BTG4: variants seen among roughly 807,000 people sequenced by gnomAD.
BTG4 encodes BTG anti-proliferation factor 4.
Under a neutral mutation model 19.3 loss-of-function variants are expected in BTG4, and 10 were observed. The ratio of observed to expected loss-of-function variants is 0.52; its 90% CI spans 0.32 to 0.88. BTG4 has a LOEUF of 0.88. Among genes scored for constraint, BTG4 ranks in the 40% least tolerant of loss-of-function variants. The pLI, the probability that BTG4 is intolerant of heterozygous loss-of-function variation, is 0.04. For synonymous variants in BTG4, 91 were observed against 95.7 expected (o/e 0.95, Z 0.29); for missense variants, 238 against 281.9 (o/e 0.84, Z 1.11).
the BTG4 span, among the ~76,000 whole-genome samples, chr11:111,419,343 G>A: frequency 4.6e-5 from 7 of 152,214 alleles, no homozygotes; most frequent in Non-Finnish European, 8.8e-5. Flanking sequence ...CTTCTTGGCT[G>A]ACTGACAACC....
At chr11:111,483,128 C>G (rs1454785161) in intron 5 of BTG4, among the ~76,000 whole-genome samples, 2 of 152,154 alleles carry the variant, frequency 1.3e-5, no homozygotes, top group Non-Finnish European at 2.9e-5. Flanking sequence ...GGCAGTTCCT[C>G]AAGGAGCCAG....
At chr11:111,421,844 C>G in the BTG4 span, among the ~76,000 whole-genome samples, 3 of 151,956 alleles carry the variant, frequency 2.0e-5, no homozygotes, top group Admixed American at 2.0e-4. Context: ...ACCAGGGCAG[C>G]AGAGGTTGCA....
Position 111,495,171 on chromosome 11 carries a change from C to G in BTG4, c.654G>C (p.Arg218=). The G allele has an allele frequency of 6.3e-7, 1 of 1,592,080 alleles. No homozygotes were observed. The highest frequency in any genetic ancestry group is 1.1e-5 in the South Asian group (1 of 87,252). ...TGTTGACCCAGTGGTACCTGTCCAGCCGGTGCATAGCAGGCCTGTAACACT... is the reference window on the plus strand; with the variant it reads ...TGTTGACCCAGTGGTACCTGTCCAGGCGGTGCATAGCAGGCCTGTAACACT... ...HPKCYRPAMH[R]LDRYHWVNTH... is the part of the protein sequence containing the mutation. Residue 218 remains arginine, a synonymous_variant, in exon 5 of 5, where the codon CGG becomes CGC. Transcript: ENST00000692032.
the BTG4 span, among the ~76,000 whole-genome samples, chr11:111,396,403 CAA>C: frequency 6.6e-6 from 1 of 152,210 alleles, no homozygotes; most frequent in African/African-American, 2.4e-5. Flanking sequence ...CCTTCCCAAC[CAA>C]GTCTACCCAC....
At chr11:111,392,423 C>T in the BTG4 span, among the ~76,000 whole-genome samples, 11,124 of 151,996 alleles carry the variant, frequency 0.073, 591 homozygotes, top group Non-Finnish European at 0.11. Context: ...GTGATCAGCC[C>T]GCCTCGGCCT....
At chr11:111,414,804 G>A in the BTG4 span, 1 of 152,266 alleles carries the variant, frequency 6.6e-6, no homozygotes, top group African/African-American at 2.4e-5. Flanking sequence ...AGATCCCCAG[G>A]CAAAACTGAT....
At chr11:111,407,393 G>A in the BTG4 span, among the ~76,000 whole-genome samples, 15 of 152,256 alleles carry the variant, frequency 9.9e-5, no homozygotes, top group Middle Eastern at 3.4e-3. Context: ...ATAATGGGCC[G>A]GGTGCGGTGG....
chr11:111,478,381 A>G (rs1412806833), intron 5 of BTG4, among the ~76,000 whole-genome samples: 1 of 152,192 alleles, frequency 6.6e-6, no homozygotes, highest in African/African-American at 2.4e-5. Context: ...GAATAGGGTC[A>G]AAGGAAACCA....
the BTG4 span, among the ~76,000 whole-genome samples, chr11:111,442,318 T>C: frequency 6.6e-6 from 1 of 151,080 alleles, no homozygotes; most frequent in African/African-American, 2.4e-5. Flanking sequence ...CTGGCCAACA[T>C]GGTGAAACCC....
At chr11:111,477,850 A>G (rs1864488108) in intron 5 of BTG4, among the ~76,000 whole-genome samples, 1 of 152,112 alleles carries the variant, frequency 6.6e-6, no homozygotes, top group Non-Finnish European at 1.5e-5. Flanking sequence ...TAAACTAACA[A>G]AACAACAAGA....
intron 5 of BTG4, chr11:111,467,742 A>C: frequency 1.4e-6 from 1 of 738,498 alleles, no homozygotes; most frequent in Admixed American, 2.1e-5. Flanking sequence ...TTTTCCTAAA[A>C]TCCTGACATA....
chr11:111,448,898 A>ATT, the BTG4 span, among the ~76,000 whole-genome samples: 1 of 151,970 alleles, frequency 6.6e-6, no homozygotes, highest in African/African-American at 2.4e-5. Flanking sequence ...CAAAAAAAAA[A>ATT]TTGTCTAAAA....
At chr11:111,395,784 T>C in the BTG4 span, among the ~76,000 whole-genome samples, 1 of 152,188 alleles carries the variant, frequency 6.6e-6, no homozygotes, top group African/African-American at 2.4e-5. Flanking sequence ...CACAAGCATC[T>C]CCAGAGAACA....
chr11:111,451,289 C>T, the BTG4 span: 1 of 387,732 alleles, frequency 2.6e-6, no homozygotes. Flanking sequence ...ACTGGCGGCG[C>T]TTCCGGGCCC....
At chr11:111,460,622 C>T in the BTG4 span, among the ~76,000 whole-genome samples, 1 of 152,062 alleles carries the variant, frequency 6.6e-6, no homozygotes, top group Non-Finnish European at 1.5e-5. Context: ...ATGCACGCAG[C>T]AGAGAGACAG....
At chr11:111,442,410 A>G in the BTG4 span, among the ~76,000 whole-genome samples, 1 of 151,912 alleles carries the variant, frequency 6.6e-6, no homozygotes, top group African/African-American at 2.4e-5. Context: ...TCGAGGCAAG[A>G]GAATCACTTG....
At position 111,495,542 on chromosome 11, in the gene BTG4, GC is replaced by G. The variant is rs1333607445; in HGVS notation, c.511-229del. 2.0e-5 allele frequency among the ~76,000 whole-genome samples: 3 copies of G among 152,110 alleles called. No individual in the cohort carries two copies. In the East Asian group the frequency reaches 5.8e-4, roughly 29 times the overall value. On this transcript the variant is annotated intron_variant, in intron 4 of 4. Coordinates refer to ENST00000692032, the MANE Select transcript of BTG4 (RefSeq NM_001367975.1). ...AATTCAACTAAAAACTTTTTAATATGCTTATTCAAGTTTATGTTTATTCTTG... is the reference window on the plus strand; with the variant it reads ...AATTCAACTAAAAACTTTTTAATATGTTATTCAAGTTTATGTTTATTCTTG...
intron 5 of BTG4, among the ~76,000 whole-genome samples, chr11:111,483,111 C>T (rs955844416): frequency 6.6e-6 from 1 of 152,102 alleles, no homozygotes; most frequent in African/African-American, 2.4e-5. Context: ...ATAACCCAGC[C>T]CACCAAGGCA....
intron 5 of BTG4, among the ~76,000 whole-genome samples, chr11:111,470,176 G>A (rs1008175808): frequency 6.6e-6 from 1 of 152,132 alleles, no homozygotes; most frequent in Non-Finnish European, 1.5e-5. Context: ...GCTGACTGCA[G>A]CCTTGACCTG....
Sources: gnomAD v4.1 joint callset for allele counts (sites outside exome capture counted in the v4.1 genomes callset) on GRCh38, gnomAD v4.1.1 for gene constraint, MANE v1.5 for transcripts, NCBI Gene and HGNC (gene_info 2026-07-23, HGNC 2026-07-21) for gene names.